RIN2: variants seen among roughly 807,000 people sequenced by gnomAD.
RIN2 encodes the protein Ras and Rab interactor 2, also known as RAB5 interacting protein 2.
In RIN2, 36 loss-of-function variants were observed where a neutral mutation model predicts 78.0. The ratio of observed to expected loss-of-function variants is 0.46; its 90% CI spans 0.35 to 0.61. The LOEUF (loss-of-function observed/expected upper bound fraction) is 0.61. Ranked by LOEUF, RIN2 falls within the 20% of genes least tolerant of loss-of-function variation. RIN2 has a pLI of 0.00. For missense variants in RIN2, 1,087 were observed against 1,159.7 expected, an observed-to-expected ratio of 0.94 and a Z score of 0.91; for synonymous variants, 466 against 466.8, an observed-to-expected ratio of 1.00 and a Z score of 0.02.
intron 2 of RIN2, among the ~76,000 whole-genome samples, chr20:19,887,818 G>A (rs1290728930): frequency 6.6e-6 from 1 of 152,152 alleles, no homozygotes; most frequent in Non-Finnish European, 1.5e-5. Context: ...CAAATCCCCT[G>A]CCGAAGAAAT....
chr20:19,867,008 ATT>A (rs11468347), intron 2 of RIN2, among the ~76,000 whole-genome samples: 41,576 of 151,010 alleles, frequency 0.28, 5,788 homozygotes, highest in Non-Finnish European at 0.3. Flanking sequence ...GTTTATTTTT[ATT>A]TTTTTTTTTG....
At chr20:19,781,210 C>T (rs1027094240) in intron 1 of RIN2, among the ~76,000 whole-genome samples, 5 of 152,158 alleles carry the variant, frequency 3.3e-5, no homozygotes, top group Non-Finnish European at 5.9e-5. Flanking sequence ...TTTACTGGCC[C>T]AAACTCAGTC....
At chr20:19,758,600 C>G (rs1218968937) in intron 1 of RIN2, among the ~76,000 whole-genome samples, 1 of 152,206 alleles carries the variant, frequency 6.6e-6, no homozygotes, top group East Asian at 1.9e-4. Context: ...GGCAGGGTCA[C>G]CGGGTGTCCT....
At chr20:19,918,353 TTGTGTGTGTGTGTGTG>T (rs3059683) in intron 3 of RIN2, among the ~76,000 whole-genome samples, 9 of 147,110 alleles carry the variant, frequency 6.1e-5, no homozygotes, top group East Asian at 6.0e-4. Context: ...TACAAATACA[TTGTGTGTGTGTGTGTG>T]TGTGTGTGTG....
At chr20:19,939,861 T>C (rs1247848460) in intron 4 of RIN2, among the ~76,000 whole-genome samples, 1 of 152,048 alleles carries the variant, frequency 6.6e-6, no homozygotes, top group Non-Finnish European at 1.5e-5. Flanking sequence ...TTTTTTTTTT[T>C]TTTCTTGGAA....
chr20:19,867,506 G>C (rs2037546581), intron 2 of RIN2, among the ~76,000 whole-genome samples: 1 of 152,148 alleles, frequency 6.6e-6, no homozygotes, highest in African/African-American at 2.4e-5. Context: ...CCTTCACTCT[G>C]AAATGTATCC....
intron 3 of RIN2, among the ~76,000 whole-genome samples, chr20:19,906,233 C>T (rs757032002): frequency 3.9e-5 from 6 of 151,954 alleles, no homozygotes; most frequent in East Asian, 1.9e-4. Flanking sequence ...GAGGATTGCA[C>T]GAGTTTGGGA....
At position 19,824,282 on chromosome 20, in the gene RIN2, A is replaced by C. The variant is rs577783217; in HGVS notation, c.-37+24535A>C. ...CCCTGTGCCCTTGAGTGAACATGAG[A>C]TAATTTTAGATGGAACATCTTTTTT... is the stretch of plus-strand genomic sequence containing the variant. On this transcript the variant is annotated intron_variant, in intron 2 of 12. Coordinates refer to ENST00000255006, the MANE Select transcript of RIN2 (RefSeq NM_018993.4). 2.0e-5 allele frequency among the ~76,000 whole-genome samples: 3 copies of C among 152,284 alleles called. No individual in the cohort carries two copies. The South Asian group carries it at 6.2e-4, about 32-fold the overall frequency.
intron 7 of RIN2, among the ~76,000 whole-genome samples, chr20:19,970,543 A>G (rs558006492): frequency 6.6e-6 from 1 of 152,274 alleles, no homozygotes; most frequent in South Asian, 2.1e-4. Context: ...CAAGTCAGCA[A>G]TTCTGATGTA....
intron 11 of RIN2, 61 bp downstream of exon 11, chr20:19,992,360 T>G: frequency 6.8e-7 from 1 of 1,467,780 alleles, no homozygotes. Flanking sequence ...TTTTTATAAT[T>G]GAGACGAAAT....
chr20:19,787,945 TTCC>T (rs1405632747), intron 1 of RIN2, among the ~76,000 whole-genome samples: 8 of 152,198 alleles, frequency 5.3e-5, no homozygotes, highest in Non-Finnish European at 8.8e-5. Context: ...AGAGGAAGAC[TTCC>T]TCTATCAGTA....
At chr20:19,926,147 C>G (rs896327827) in intron 3 of RIN2, among the ~76,000 whole-genome samples, 1 of 152,132 alleles carries the variant, frequency 6.6e-6, no homozygotes, top group Non-Finnish European at 1.5e-5. Context: ...AAGGATGATA[C>G]ACACAAAACT....
chr20:19,881,222 G>C (rs143057550), intron 2 of RIN2, among the ~76,000 whole-genome samples: 196 of 152,304 alleles, frequency 1.3e-3, no homozygotes, highest in African/African-American at 4.6e-3. Flanking sequence ...AACTTTCCAA[G>C]TCTGTTGATG....
chr20:19,860,717 G>C (rs1309157519), intron 2 of RIN2, among the ~76,000 whole-genome samples: 1 of 152,136 alleles, frequency 6.6e-6, no homozygotes, highest in Admixed American at 6.5e-5. Flanking sequence ...GAGTCTGGAT[G>C]GTGTGCCCCT....
chr20:19,841,891 A>G (rs1465789187), intron 2 of RIN2, among the ~76,000 whole-genome samples: 1 of 152,252 alleles, frequency 6.6e-6, no homozygotes, highest in African/African-American at 2.4e-5. Context: ...AGATCTAGCC[A>G]AGATAATTGA....
At chr20:19,981,844 A>G (rs2042464099) in intron 9 of RIN2, among the ~76,000 whole-genome samples, 1 of 152,212 alleles carries the variant, frequency 6.6e-6, no homozygotes, top group Non-Finnish European at 1.5e-5. Flanking sequence ...AAACCAACCC[A>G]GGTTACAGGA....
At chr20:19,861,961 C>T (rs1300465941) in intron 2 of RIN2, among the ~76,000 whole-genome samples, 1 of 120,036 alleles carries the variant, frequency 8.3e-6, no homozygotes, top group Non-Finnish European at 1.6e-5. Context: ...ATTTGATGCT[C>T]ACCCTCCATA....
intron 12 of RIN2, among the ~76,000 whole-genome samples, chr20:19,999,216 G>A (rs776514500): frequency 3.3e-5 from 5 of 152,002 alleles, no homozygotes; most frequent in Non-Finnish European, 7.4e-5. Context: ...GGCAAGTTAC[G>A]TAGCCTCTCT....
At chr20:19,866,375 T>C (rs1366317066) in intron 2 of RIN2, among the ~76,000 whole-genome samples, 2 of 152,120 alleles carry the variant, frequency 1.3e-5, no homozygotes, top group East Asian at 3.9e-4. Context: ...CCCTGATATA[T>C]AGGACTGATG....
Sources: allele counts gnomAD v4.1 joint callset (sites outside exome capture counted in the v4.1 genomes callset), GRCh38; gene constraint gnomAD v4.1.1; transcripts MANE v1.5; gene names NCBI Gene and HGNC (gene_info 2026-07-23, HGNC 2026-07-21).